The following CSMD1 variants were observed in gnomAD, a reference collection of about 807,000 sequenced individuals.
The protein encoded by CSMD1 is CUB and sushi domain-containing protein 1.
Under a neutral mutation model 417.5 loss-of-function variants are expected in CSMD1, and 213 were observed. That is an observed-to-expected ratio of 0.51 (90% CI 0.46 to 0.57). CSMD1 has a LOEUF of 0.57. Among genes scored for constraint, CSMD1 ranks in the 20% least tolerant of loss-of-function variants. CSMD1 has a pLI of 0.00. For synonymous variants in CSMD1, 2,862 were observed against 1,736.8 expected (o/e 1.65, Z -16.11); for missense variants, 6,923 against 4,529.7 (o/e 1.53, Z -15.17).
intron 42 of CSMD1, 58 bp from the exon 43 acceptor site, chr8:3,110,393 G>T: frequency 7.7e-7 from 1 of 1,300,230 alleles, no homozygotes; most frequent in Non-Finnish European, 1.0e-6. Flanking sequence ...AGAGTAGAAA[G>T]CTAAATATTT....
intron 7 of CSMD1, among the ~76,000 whole-genome samples, chr8:3,672,829 G>C (rs1383307776): frequency 6.6e-6 from 1 of 152,114 alleles, no homozygotes; most frequent in East Asian, 1.9e-4. Flanking sequence ...CATTACCATG[G>C]GCAATAGACT....
intron 49 of CSMD1, among the ~76,000 whole-genome samples, chr8:3,068,034 T>G (rs1813062891): frequency 6.6e-6 from 1 of 152,098 alleles, no homozygotes. Flanking sequence ...TAAAAAATAT[T>G]TTATGGTTTG....
chr8:3,938,847 A>C (rs1810681041), intron 5 of CSMD1, among the ~76,000 whole-genome samples: 2 of 152,208 alleles, frequency 1.3e-5, no homozygotes, highest in African/African-American at 2.4e-5. Context: ...TAGACAAAGT[A>C]AACCTTTTCA....
intron 3 of CSMD1, among the ~76,000 whole-genome samples, chr8:4,401,528 C>T (rs1013213042): frequency 2.0e-5 from 3 of 152,162 alleles, no homozygotes; most frequent in Non-Finnish European, 4.4e-5. Context: ...CTTCTACCCT[C>T]CCAGCAGTAG....
chr8:4,448,284 C>T (rs1045495966), intron 2 of CSMD1, among the ~76,000 whole-genome samples: 1 of 151,998 alleles, frequency 6.6e-6, no homozygotes, highest in African/African-American at 2.4e-5. Flanking sequence ...ATAGTTATAA[C>T]ACAAAAAAGG....
intron 3 of CSMD1, among the ~76,000 whole-genome samples, chr8:4,133,662 T>G (rs1378038438): frequency 6.6e-6 from 1 of 151,946 alleles, no homozygotes. Flanking sequence ...TCCATGTAAG[T>G]GTAGGGAAAA....
intron 1 of CSMD1, among the ~76,000 whole-genome samples, chr8:4,699,839 G>C (rs904471340): frequency 2.6e-5 from 4 of 152,222 alleles, no homozygotes; most frequent in Non-Finnish European, 5.9e-5. Flanking sequence ...GAGAGTACAA[G>C]TGAGATTGAC....
intron 2 of CSMD1, among the ~76,000 whole-genome samples, chr8:4,526,101 G>A (rs1297533186): frequency 3.9e-5 from 6 of 152,086 alleles, no homozygotes; most frequent in African/African-American, 1.2e-4. Flanking sequence ...TAGAGATTTG[G>A]AAAATGAGAC....
At chr8:4,311,532 G>T (rs1798570351) in intron 3 of CSMD1, among the ~76,000 whole-genome samples, 1 of 152,084 alleles carries the variant, frequency 6.6e-6, no homozygotes, top group African/African-American at 2.4e-5. Flanking sequence ...AGACCAGCCT[G>T]ACCAATACGG....
chr8:3,585,039 A>G (rs535308785), intron 9 of CSMD1, among the ~76,000 whole-genome samples: 3 of 152,280 alleles, frequency 2.0e-5, no homozygotes, highest in Non-Finnish European at 2.9e-5. Flanking sequence ...TTAAGAGGTG[A>G]CAACTCGCTA....
intron 5 of CSMD1, among the ~76,000 whole-genome samples, chr8:3,900,578 G>A (rs946522634): frequency 1.3e-5 from 2 of 151,960 alleles, no homozygotes; most frequent in South Asian, 4.2e-4. Context: ...ACTGTAGCTG[G>A]ATGACACTCT....
intron 5 of CSMD1, among the ~76,000 whole-genome samples, chr8:3,875,518 G>C (rs1166238730): frequency 6.6e-6 from 1 of 152,070 alleles, no homozygotes; most frequent in Non-Finnish European, 1.5e-5. Context: ...GAAAAGGGGA[G>C]GAAGCAGCCG....
intron 10 of CSMD1, among the ~76,000 whole-genome samples, chr8:3,549,120 G>A (rs183559377): frequency 2.2e-4 from 34 of 152,228 alleles, no homozygotes; most frequent in Admixed American, 7.8e-4. Flanking sequence ...GCAGATGCCC[G>A]CTTCCATGTT....
At chr8:4,912,294 T>C (rs947876381) in intron 1 of CSMD1, among the ~76,000 whole-genome samples, 2 of 151,890 alleles carry the variant, frequency 1.3e-5, no homozygotes, top group Admixed American at 6.6e-5. Flanking sequence ...TAAAATGACG[T>C]GGACAGAAAC....
intron 1 of CSMD1, among the ~76,000 whole-genome samples, chr8:4,981,258 A>C (rs1202459810): frequency 1.3e-5 from 2 of 152,218 alleles, no homozygotes; most frequent in Non-Finnish European, 2.9e-5. Flanking sequence ...AGGATGGTAA[A>C]CATTTAAGCT....
At chr8:3,082,597 G>A (rs1477688615) in intron 49 of CSMD1, among the ~76,000 whole-genome samples, 3 of 152,186 alleles carry the variant, frequency 2.0e-5, no homozygotes, top group Non-Finnish European at 2.9e-5. Context: ...CCTGCAGTGC[G>A]TAACTCAGAG....
At chr8:3,902,169 A>G (rs923099954) in intron 5 of CSMD1, among the ~76,000 whole-genome samples, 1 of 152,180 alleles carries the variant, frequency 6.6e-6, no homozygotes, top group East Asian at 1.9e-4. Flanking sequence ...CAACATTGCT[A>G]CTAATAAAAT....
intron 1 of CSMD1, among the ~76,000 whole-genome samples, chr8:4,695,593 C>T (rs1378461396): frequency 6.6e-6 from 1 of 151,918 alleles, no homozygotes; most frequent in Non-Finnish European, 1.5e-5. Flanking sequence ...GTCCCCTATC[C>T]CCCCCACCAC....
intron 3 of CSMD1, among the ~76,000 whole-genome samples, chr8:4,349,994 G>T (rs1045162557): frequency 6.6e-5 from 10 of 151,930 alleles, no homozygotes; most frequent in Non-Finnish European, 1.3e-4. Flanking sequence ...TAATAGCTTT[G>T]GTCCCTGAGC....
Sources: allele counts gnomAD v4.1 joint callset (sites outside exome capture counted in the v4.1 genomes callset), GRCh38; gene constraint gnomAD v4.1.1; transcripts MANE v1.5; gene names NCBI Gene and HGNC (gene_info 2026-07-23, HGNC 2026-07-21).